The following ZNF514 variants were observed in gnomAD, a reference collection of about 807,000 sequenced individuals.
The protein encoded by ZNF514 is zinc finger protein 514.
A neutral mutation model predicts 9.7 loss-of-function variants in ZNF514; 12 were observed. That is an observed-to-expected ratio of 1.24 (90% CI 0.79 to 2.01). The LOEUF is 2.01. Ranked by LOEUF, ZNF514 falls within the 30% of genes most tolerant of loss-of-function variation. The probability of loss-of-function intolerance (pLI) is 0.00; values close to 1 mark genes in which losing one functional copy is unlikely to be tolerated. For missense variants in ZNF514, 467 were observed against 465.5 expected (o/e 1.00, Z -0.03); for synonymous variants, 158 against 163.7 (o/e 0.97, Z 0.27).
At chr2:95,144,948 G>A (rs1448342033), downstream of ZNF514, among the ~76,000 whole-genome samples, 1 of 152,038 alleles carries the variant, frequency 6.6e-6, no homozygotes, top group African/African-American at 2.4e-5. Context: ...CCTAAAAGAT[G>A]GAACAGTGCT....
At chr2:95,127,380 T>C in the ZNF514 span, among the ~76,000 whole-genome samples, 1 of 152,112 alleles carries the variant, frequency 6.6e-6, no homozygotes, top group Non-Finnish European at 1.5e-5. Context: ...AGGTTCTCCA[T>C]CTCTTTTATT....
intron 4 of ZNF514, among the ~76,000 whole-genome samples, chr2:95,152,042 GC>G (rs966803547): frequency 2.0e-5 from 3 of 152,180 alleles, no homozygotes; most frequent in African/African-American, 7.2e-5. Context: ...ACTGTCACGT[GC>G]CTCCAGTGTG....
At chr2:95,138,790 T>C in the ZNF514 span, among the ~76,000 whole-genome samples, 3 of 152,258 alleles carry the variant, frequency 2.0e-5, no homozygotes, top group East Asian at 1.9e-4. Flanking sequence ...TTTGCATAAC[T>C]AAAAAGGATC....
rs77295603 is a variant in ZNF514 at position 95,151,405 on chromosome 2, C to T, written c.218-1138G>A. ...ATAGCCAGCAAGAAAACAAGGACCTCGGTTTTATAACTGCAAGGTATTGGT... is the reference window on the plus strand; with the variant it reads ...ATAGCCAGCAAGAAAACAAGGACCTTGGTTTTATAACTGCAAGGTATTGGT... On this transcript the variant is annotated intron_variant, in intron 4 of 4. Coordinates refer to ENST00000295208, the MANE Select transcript of ZNF514 (RefSeq NM_032788.3). Among the ~76,000 whole-genome samples the T allele has an allele frequency of 1.2e-3, 186 of 152,198 alleles. 2 individuals carry two copies. In the East Asian group the frequency reaches 0.032, roughly 26 times the overall value.
At chr2:95,158,900 G>A (rs1439749738) in intron 1 of ZNF514, 1 of 1,289,818 alleles carries the variant, frequency 7.8e-7, no homozygotes. Context: ...GGGTCCTCCT[G>A]ATATCGGGCT....
chr2:95,129,069 C>T, the ZNF514 span, among the ~76,000 whole-genome samples: 18 of 152,168 alleles, frequency 1.2e-4, no homozygotes, highest in African/African-American at 3.4e-4. Context: ...CGTCAGTCTA[C>T]GAAGAAAACT....
At chr2:95,126,371 C>CAAAAAAAAAAAAA in the ZNF514 span, among the ~76,000 whole-genome samples, 1 of 51,418 alleles carries the variant, frequency 1.9e-5, no homozygotes, top group Non-Finnish European at 3.7e-5. Context: ...AACTCCATCT[C>CAAAAAAAAAAAAA]AAAAAAAAAA....
downstream of ZNF514, among the ~76,000 whole-genome samples, chr2:95,144,947 T>C (rs1213465953): frequency 1.3e-5 from 2 of 152,114 alleles, no homozygotes; most frequent in African/African-American, 4.8e-5. Context: ...CCCTAAAAGA[T>C]GGAACAGTGC....
downstream of ZNF514, among the ~76,000 whole-genome samples, chr2:95,142,856 C>T (rs1673278925): frequency 6.6e-6 from 1 of 152,250 alleles, no homozygotes; most frequent in African/African-American, 2.4e-5. Context: ...GACACCACCT[C>T]TTCCCTAGAT....
Position 95,153,151 on chromosome 2 carries a change from T to C in ZNF514, c.103A>G (p.Arg35Gly). 6.2e-7 allele frequency: 1 copy of C among 1,613,236 alleles called. No individual in the cohort carries two copies. The highest frequency in any genetic ancestry group is 8.5e-7 in the Non-Finnish European group (1 of 1,179,304). ...TGCTCACCCAGAATGGCCAAGTTCCTGAAGTTCTCCAGCATCACCTCCCTG... is the reference window on the plus strand; with the variant it reads ...TGCTCACCCAGAATGGCCAAGTTCCCGAAGTTCTCCAGCATCACCTCCCTG... ...LYREVMLENF[R>G]NLAILGLLVS... The change falls in exon 3 of 5, where the codon AGG becomes GGG. Residue 35 changes from arginine to glycine, a missense_variant. Arg to Gly is a moderately radical substitution (Grantham distance 125, BLOSUM62 -2). Transcript: ENST00000295208.
the ZNF514 span, among the ~76,000 whole-genome samples, chr2:95,128,492 G>T: frequency 6.6e-6 from 1 of 152,124 alleles, no homozygotes; most frequent in Non-Finnish European, 1.5e-5. Context: ...GGAGGCGGAG[G>T]TTGCAGTGAG....
the ZNF514 span, among the ~76,000 whole-genome samples, chr2:95,128,837 C>T: frequency 2.0e-5 from 3 of 152,144 alleles, no homozygotes; most frequent in African/African-American, 7.2e-5. Context: ...CCATCACAGA[C>T]AGCATCAAGG....
At chr2:95,142,475 C>G (rs1469676705), downstream of ZNF514, among the ~76,000 whole-genome samples, 1 of 152,204 alleles carries the variant, frequency 6.6e-6, no homozygotes, top group African/African-American at 2.4e-5. Context: ...TAATAGGAAT[C>G]CAAATTTGTA....
the ZNF514 span, among the ~76,000 whole-genome samples, chr2:95,138,813 G>A: frequency 2.0e-5 from 3 of 152,200 alleles, no homozygotes; most frequent in Non-Finnish European, 4.4e-5. Flanking sequence ...AGTGCTAATA[G>A]CCAAGACAAT....
intron 4 of ZNF514, among the ~76,000 whole-genome samples, chr2:95,151,000 T>G (rs971274836): frequency 1.3e-5 from 2 of 152,234 alleles, no homozygotes; most frequent in Admixed American, 6.5e-5. Flanking sequence ...CGAAGTATTC[T>G]TTTAACACCT....
At chr2:95,125,918 C>G in the ZNF514 span, among the ~76,000 whole-genome samples, 1 of 152,188 alleles carries the variant, frequency 6.6e-6, no homozygotes, top group Non-Finnish European at 1.5e-5. Context: ...CTGCTGTGAA[C>G]ATGAGTGTGC....
intron 4 of ZNF514, among the ~76,000 whole-genome samples, chr2:95,150,958 C>T (rs760374997): frequency 3.3e-5 from 5 of 152,174 alleles, no homozygotes; most frequent in Non-Finnish European, 5.9e-5. Context: ...TAAGACTTTG[C>T]GTACCTTTCA....
chr2:95,141,557 C>T (rs1673226578), downstream of ZNF514, among the ~76,000 whole-genome samples: 1 of 152,190 alleles, frequency 6.6e-6, no homozygotes, highest in African/African-American at 2.4e-5. Context: ...CAAGTACTGT[C>T]ACCAACAGTC....
At chr2:95,127,606 TTTG>T in the ZNF514 span, among the ~76,000 whole-genome samples, 2 of 152,266 alleles carry the variant, frequency 1.3e-5, no homozygotes, top group East Asian at 3.9e-4. Flanking sequence ...TTTTTGTTTT[TTTG>T]TTTTTTGTGT....
Sources: gnomAD v4.1 joint callset for allele counts (sites outside exome capture counted in the v4.1 genomes callset) on GRCh38, gnomAD v4.1.1 for gene constraint, MANE v1.5 for transcripts, NCBI Gene and HGNC (gene_info 2026-07-23, HGNC 2026-07-21) for gene names.